The following RYR3 variants were observed in gnomAD, a reference collection of about 807,000 sequenced individuals.
RYR3 encodes brain ryanodine receptor-calcium release channel.
In RYR3, 207 loss-of-function variants were observed where a neutral mutation model predicts 584.3. The observed-to-expected ratio is 0.35, with a 90% CI of 0.32 to 0.40. The LOEUF (loss-of-function observed/expected upper bound fraction) is 0.40. Among genes scored for constraint, RYR3 ranks in the 10% least tolerant of loss-of-function variants. RYR3 has a pLI of 1.00. For missense variants in RYR3, 5,616 were observed against 6,089.2 expected, an observed-to-expected ratio of 0.92 and a Z score of 2.59; for synonymous variants, 2,416 against 2,248.5, an observed-to-expected ratio of 1.07 and a Z score of -2.11.
chr15:33,821,739 C>T, intron 80 of RYR3, 137 bp downstream of exon 80: 1 of 732,284 alleles, frequency 1.4e-6, no homozygotes, highest in Non-Finnish European at 2.3e-6. Context: ...TCCTTAGTGG[C>T]CAGTTATATC....
chr15:33,796,995 A>G (rs1447618361), intron 67 of RYR3, among the ~76,000 whole-genome samples: 1 of 152,208 alleles, frequency 6.6e-6, no homozygotes, highest in Non-Finnish European at 1.5e-5. Context: ...CTTAAATGAG[A>G]CAACTCAGAA....
intron 1 of RYR3, among the ~76,000 whole-genome samples, chr15:33,442,133 A>G (rs1029351007): frequency 6.6e-6 from 1 of 152,190 alleles, no homozygotes; most frequent in Non-Finnish European, 1.5e-5. Context: ...AATAAAAACA[A>G]TTTTCAAATT....
At position 33,566,725 on chromosome 15, in the gene RYR3, G is replaced by T; in HGVS notation, c.1194G>T (p.Gln398His). ...ACATGGATGATGGATTAACACTGCA[G>T]AGATGCCAGCGTGAGGAGTCCCAGG... ...EGHMDDGLTL[Q>H]RCQREESQAA... Residue 398 changes from glutamine to histidine, a missense_variant, in exon 12 of 104, where the codon CAG (glutamine) becomes CAT (histidine). Gln to His is a conservative substitution (Grantham distance 24). Transcript: ENST00000634891. 6.2e-7 allele frequency: 1 copy of T among 1,613,768 alleles called. No homozygotes were observed. The highest frequency in any genetic ancestry group is 8.5e-7 in the Non-Finnish European group (1 of 1,179,708).
chr15:33,700,324 A>G (rs543987485), intron 41 of RYR3, among the ~76,000 whole-genome samples: 8 of 152,344 alleles, frequency 5.3e-5, no homozygotes, highest in African/African-American at 1.7e-4. Flanking sequence ...AATCGTGGAT[A>G]AACAGTGTAA....
intron 19 of RYR3, among the ~76,000 whole-genome samples, chr15:33,616,717 C>T (rs1391676241): frequency 2.0e-5 from 3 of 152,142 alleles, no homozygotes; most frequent in Admixed American, 6.6e-5. Flanking sequence ...GGGTGTGCAG[C>T]GGGGCTTGAA....
At chr15:33,844,250 A>T (rs2078568673) in intron 92 of RYR3, among the ~76,000 whole-genome samples, 1 of 152,212 alleles carries the variant, frequency 6.6e-6, no homozygotes, top group African/African-American at 2.4e-5. Context: ...CATAAAAGAA[A>T]AATGGAAGTC....
rs532819055 is a variant in RYR3 at position 33,354,214 on chromosome 15, C to T, written c.51+43118C>T. Reference sequence around the variant, plus strand: ...CCTTTGAGAGGCAGTCAACCTACAGCTGTTAAATTCAGCCTCTCTGCAGCA... The same window carrying T: ...CCTTTGAGAGGCAGTCAACCTACAGTTGTTAAATTCAGCCTCTCTGCAGCA... On this transcript the variant is annotated intron_variant, in intron 1 of 103. Coordinates refer to ENST00000634891, the MANE Select transcript of RYR3 (RefSeq NM_001036.6). 3.3e-5 allele frequency among the ~76,000 whole-genome samples: 5 copies of T among 152,322 alleles called. No homozygotes were observed. The East Asian group carries it at 9.6e-4, about 29-fold the overall frequency.
Position 33,660,207 on chromosome 15 carries a change from C to T in RYR3, c.4406C>T (p.Pro1469Leu). 6.4e-7 allele frequency: 1 copy of T among 1,551,752 alleles called. No homozygotes were observed. Among genetic ancestry groups the T allele is most frequent in the Non-Finnish European group, 8.7e-7 (1 of 1,146,926 alleles). ...FELGKLKNAM[P>L]LSAAIFRSEE... ...TCCCACGTGCCCCAGAACGCAATGC[C>T]CCTGTCAGCGGCCATATTCAGGAGT... The change falls in exon 34 of 104, where the codon CCC becomes CTC. Residue 1469 changes from proline to leucine, a missense_variant. Around this residue, in one of 9 missense-constraint regions of RYR3, gnomAD observed 753 missense variants for 741.0 expected, o/e 1.02. Transcript: ENST00000634891.
intron 38 of RYR3, among the ~76,000 whole-genome samples, chr15:33,693,869 A>G (rs565754887): frequency 1.3e-5 from 2 of 152,304 alleles, no homozygotes; most frequent in Non-Finnish European, 2.9e-5. Flanking sequence ...TTTCAGTCCA[A>G]TGGCAAGTCT....
intron 2 of RYR3, among the ~76,000 whole-genome samples, chr15:33,486,279 A>G (rs1013799740): frequency 3.3e-5 from 5 of 152,140 alleles, no homozygotes; most frequent in Admixed American, 2.0e-4. Flanking sequence ...GCTCCTTCCA[A>G]AGTCTCTAGG....
At chr15:33,449,695 C>T (rs2046952527) in intron 1 of RYR3, among the ~76,000 whole-genome samples, 1 of 152,142 alleles carries the variant, frequency 6.6e-6, no homozygotes, top group Non-Finnish European at 1.5e-5. Context: ...CTGATGGTTC[C>T]TCTAAGTTTA....
At chr15:33,738,940 C>T (rs887006767) in intron 50 of RYR3, among the ~76,000 whole-genome samples, 1 of 152,190 alleles carries the variant, frequency 6.6e-6, no homozygotes, top group African/African-American at 2.4e-5. Flanking sequence ...TGTCTGCCAA[C>T]CTTCACTAGG....
chr15:33,839,266 G>A (rs947616089), intron 89 of RYR3, among the ~76,000 whole-genome samples: 1 of 152,206 alleles, frequency 6.6e-6, no homozygotes, highest in African/African-American at 2.4e-5. Flanking sequence ...CTGTGCAGAT[G>A]CATTCAGTGA....
intron 42 of RYR3, among the ~76,000 whole-genome samples, chr15:33,702,960 G>C (rs1275567959): frequency 1.3e-5 from 2 of 152,066 alleles, no homozygotes; most frequent in Non-Finnish European, 2.9e-5. Context: ...ACAGGGTGAG[G>C]AAAGAGAGAG....
Position 33,337,127 on chromosome 15 carries a change from A to G in RYR3, c.51+26031A>G, listed in dbSNP as rs148041131. 2.1e-3 allele frequency among the ~76,000 whole-genome samples: 310 copies of G among 150,336 alleles called. 1 individual carries two copies. The highest frequency in any genetic ancestry group is 7.1e-3 in the African/African-American group (291 of 41,228). On this transcript the variant is annotated intron_variant, in intron 1 of 103. Coordinates refer to ENST00000634891, the MANE Select transcript of RYR3 (RefSeq NM_001036.6). ...GACTGATAAAAAAAGAGAAGGCATG[A>G]GTAATCCATATTAGGAACAAAAAGA... is the stretch of plus-strand genomic sequence containing the variant.
Position 33,853,694 on chromosome 15 carries a change from T to A in RYR3, c.13799+12T>A, listed in dbSNP as rs1228135287. The A allele has an allele frequency of 1.2e-6, 2 of 1,609,744 alleles. No homozygotes were observed. The highest frequency in any genetic ancestry group is 2.7e-5 in the African/African-American group (2 of 74,674). ...TCTCTGGTGTCATGGTACAAAAAGCTTAGGAGTTCAAATCCAAAGCAGCTA... is the reference window on the plus strand; with the variant it reads ...TCTCTGGTGTCATGGTACAAAAAGCATAGGAGTTCAAATCCAAAGCAGCTA... On this transcript the variant is annotated intron_variant, in intron 96 of 103. Transcript: ENST00000634891.
rs1299339478 is a variant in RYR3 at position 33,788,416 on chromosome 15, A to G, written c.9788A>G (p.Tyr3263Cys). ...TTCGCGGTCCTCTGCAGAGATCTCT[A>G]TGCCTTCTACCCCATGCTGATCCGC... is the stretch of plus-strand genomic sequence containing the variant. ...DEFAVLCRDL[Y>C]AFYPMLIRYV... is the part of the protein sequence containing the mutation. Residue 3263 changes from tyrosine (Y) to cysteine (C), a missense_variant, in exon 67 of 104, where the codon TAT becomes TGT. Around this residue, in one of 9 missense-constraint regions of RYR3, gnomAD observed 954 missense variants for 1,132.2 expected, o/e 0.84. Transcript: ENST00000634891. 6.2e-7 allele frequency: 1 copy of G among 1,613,924 alleles called. No individual in the cohort carries two copies. Among genetic ancestry groups the G allele is most frequent in the Non-Finnish European group, 8.5e-7 (1 of 1,179,816 alleles).
chr15:33,363,148 C>T (rs1975005178), intron 1 of RYR3, among the ~76,000 whole-genome samples: 1 of 152,178 alleles, frequency 6.6e-6, no homozygotes, highest in Non-Finnish European at 1.5e-5. Flanking sequence ...ACCAGTCAGT[C>T]TTGGGTAGAG....
chr15:33,850,796 T>C (rs1316807447), intron 94 of RYR3: 1 of 152,194 alleles, frequency 6.6e-6, no homozygotes, highest in Admixed American at 6.5e-5. Context: ...TGTATTATCC[T>C]CCCTGATTAT....
Sources: gnomAD v4.1 joint callset for allele counts (sites outside exome capture counted in the v4.1 genomes callset) on GRCh38, gnomAD v4.1.1 for gene constraint, gnomAD v4.1.1 regional missense constraint, MANE v1.5 for transcripts, NCBI Gene and HGNC (gene_info 2026-07-23, HGNC 2026-07-21) for gene names.